The following ATXN1 variants were observed in gnomAD, a reference collection of about 807,000 sequenced individuals.
ATXN1 encodes the protein ataxin-1.
Under a neutral mutation model 56.4 loss-of-function variants are expected in ATXN1, and 8 were observed. The observed-to-expected ratio is 0.14, with a 90% confidence interval of 0.08 to 0.26. The LOEUF is 0.26. Among genes scored for constraint, ATXN1 ranks in the 10% least tolerant of loss-of-function variants. The pLI is 1.00. For synonymous variants in ATXN1, 514 were observed against 494.6 expected (o/e 1.04, Z -0.52); for missense variants, 987 against 1,106.5 (o/e 0.89, Z 1.53).
At chr6:16,678,134 G>A (rs2113394022) in intron 2 of ATXN1, among the ~76,000 whole-genome samples, 1 of 152,346 alleles carries the variant, frequency 6.6e-6, no homozygotes, top group Non-Finnish European at 1.5e-5. Context: ...TGGCAAAAAT[G>A]CACATTAACT....
At chr6:16,753,749 G>A (rs955683737) in intron 1 of ATXN1, among the ~76,000 whole-genome samples, 28 of 152,088 alleles carry the variant, frequency 1.8e-4, no homozygotes, top group Admixed American at 1.6e-3. Flanking sequence ...TTTTAATGTG[G>A]CATATATTAT....
chr6:16,553,319 C>T (rs923620736), intron 4 of ATXN1, among the ~76,000 whole-genome samples: 28 of 152,162 alleles, frequency 1.8e-4, no homozygotes, highest in African/African-American at 6.5e-4. Flanking sequence ...TCACCCCAAA[C>T]CTCTCTAAGG....
intron 6 of ATXN1, among the ~76,000 whole-genome samples, chr6:16,397,117 C>T (rs1162008235): frequency 1.3e-5 from 2 of 152,196 alleles, no homozygotes; most frequent in Non-Finnish European, 2.9e-5. Flanking sequence ...TACTGTGCAT[C>T]TCTTTACAAT....
At chr6:16,446,500 C>T (rs1336455197) in intron 6 of ATXN1, among the ~76,000 whole-genome samples, 1 of 152,188 alleles carries the variant, frequency 6.6e-6, no homozygotes, top group Non-Finnish European at 1.5e-5. Context: ...TTGAAAGCTG[C>T]CCAACCCCAG....
At position 16,301,029 on chromosome 6, in the gene ATXN1, T is replaced by G. The variant is rs1032973127; in HGVS notation, c.*5300A>C. On this transcript the variant is annotated 3_prime_UTR_variant, in exon 8 of 8. Transcript: ENST00000436367. The stretch of plus-strand genomic sequence containing the variant: ...GCCATAACCATACAAATCTGATCAT[T>G]TAGACATGACAAATTTCTATATACA... 5 of 152,026 alleles carry G rather than the reference T, an allele frequency of 3.3e-5. No homozygotes were observed. Among genetic ancestry groups the G allele is most frequent in the Non-Finnish European group, 7.4e-5 (5 of 67,980 alleles). The allele number at this position is 152,026 out of a possible 1,614,324, so 9.4% of individuals were successfully genotyped here.
chr6:16,579,394 G>C (rs1274096506), intron 4 of ATXN1, among the ~76,000 whole-genome samples: 1 of 150,366 alleles, frequency 6.7e-6, no homozygotes, highest in East Asian at 2.0e-4. Context: ...GTAATTTTTA[G>C]AGGTGGAAGA....
intron 2 of ATXN1, among the ~76,000 whole-genome samples, chr6:16,750,681 T>G (rs930005141): frequency 2.6e-5 from 4 of 152,336 alleles, no homozygotes; most frequent in Non-Finnish European, 5.9e-5. Flanking sequence ...TATAAAAACC[T>G]AGGTCTCTTC....
At chr6:16,618,198 G>A (rs1349838906) in intron 3 of ATXN1, among the ~76,000 whole-genome samples, 1 of 152,264 alleles carries the variant, frequency 6.6e-6, no homozygotes, top group East Asian at 1.9e-4. Context: ...TCACTCATAA[G>A]TGGGAGTTTA....
chr6:16,347,994 A>C (rs1443083205), intron 6 of ATXN1, among the ~76,000 whole-genome samples: 1 of 152,208 alleles, frequency 6.6e-6, no homozygotes, highest in Admixed American at 6.5e-5. Context: ...GAAGCCAGTG[A>C]GACCATGAAC....
chr6:16,617,512 G>A (rs1763235850), intron 3 of ATXN1, among the ~76,000 whole-genome samples: 1 of 151,746 alleles, frequency 6.6e-6, no homozygotes, highest in Admixed American at 6.6e-5. Context: ...CAAATATCAA[G>A]ATAACAGAAT....
Position 16,306,958 on chromosome 6 carries a change from C to T in ATXN1, c.1918-99G>A, listed in dbSNP as rs1432493499. The T allele has an allele frequency of 3.1e-6, 4 of 1,295,020 alleles. No homozygotes were observed. In the African/African-American group the frequency reaches 6.0e-5, roughly 19 times the overall value. The allele number at this position is 1,295,020 out of a possible 1,614,324, so 80.2% of individuals were successfully genotyped here. A position where few individuals can be genotyped will look rare whatever the true frequency, so the allele number is the denominator to read the frequency against. On this transcript the variant is annotated intron_variant, in intron 7 of 7. Transcript: ENST00000436367. The surrounding 1 kb of genome is among the most constrained non-coding windows in gnomAD (Gnocchi z 5.2). Reference sequence around the variant, plus strand: ...TTATGCACACACACAGGTATGAACTCACACAGACACACACAGGCTGAATGG... The same window carrying T: ...TTATGCACACACACAGGTATGAACTTACACAGACACACACAGGCTGAATGG...
intron 2 of ATXN1, among the ~76,000 whole-genome samples, chr6:16,671,217 A>G (rs908117836): frequency 1.3e-5 from 2 of 152,286 alleles, no homozygotes; most frequent in South Asian, 4.1e-4. Flanking sequence ...GTAGTTTGTA[A>G]TAAGAAGTAT....
chr6:16,577,523 C>CAA lies in ATXN1; in HGVS notation c.-361+8255_-361+8256dup, dbSNP rs61193572. 9.1e-3 allele frequency among the ~76,000 whole-genome samples: 701 copies of CAA among 76,892 alleles called. 9 individuals are homozygous for CAA. Among genetic ancestry groups the CAA allele is most frequent in the Middle Eastern group, 0.026 (3 of 116 alleles). The allele number at this position is 76,892 out of a possible 152,430, so 50.4% of individuals were successfully genotyped here. A position where few individuals can be genotyped will look rare whatever the true frequency, so the allele number is the denominator to read the frequency against. On this transcript the variant is annotated intron_variant, in intron 4 of 7. Coordinates refer to ENST00000436367, the MANE Select transcript of ATXN1 (RefSeq NM_001128164.2). ...TGGGCAACAGAGCAAGACTCTGTCT[C>CAA]AAAAAAAAAAAAAAAAAAGGAAAAA...
In ATXN1 at chr6:16,410,566, T is replaced by C. The variant is rs949212086; in HGVS notation, c.-161+75406A>G. ...ACCTGTTTGAGGATTCTTTCTAACA[T>C]ATCATTCCCTTCCCTACATAAAGAT... On this transcript the variant is annotated intron_variant, in intron 6 of 7. Coordinates refer to ENST00000436367, the MANE Select transcript of ATXN1 (RefSeq NM_001128164.2). This position sits in a 1 kb window ranked among gnomAD's most constrained non-coding sequence, Gnocchi z 4.6. Among the ~76,000 whole-genome samples the C allele has an allele frequency of 6.6e-6, 1 of 152,234 alleles. No individual in the cohort carries two copies. Among genetic ancestry groups the C allele is most frequent in the African/African-American group, 2.4e-5 (1 of 41,460 alleles).
At chr6:16,668,122 T>C (rs1250403602) in intron 2 of ATXN1, among the ~76,000 whole-genome samples, 2 of 152,246 alleles carry the variant, frequency 1.3e-5, no homozygotes, top group Non-Finnish European at 2.9e-5. Context: ...CAAAATATCA[T>C]GCTTGCTCTC....
At chr6:16,699,268 G>C (rs1759232856) in intron 2 of ATXN1, among the ~76,000 whole-genome samples, 1 of 152,194 alleles carries the variant, frequency 6.6e-6, no homozygotes. Flanking sequence ...ATCTGAACCT[G>C]TTAGAAATCT....
chr6:16,372,481 G>A (rs899633845), intron 6 of ATXN1, among the ~76,000 whole-genome samples: 1 of 152,146 alleles, frequency 6.6e-6, no homozygotes, highest in Admixed American at 6.5e-5. Flanking sequence ...CCCATGCTCA[G>A]CCCCAACCAT....
At chr6:16,568,755 T>C (rs896808264) in intron 4 of ATXN1, among the ~76,000 whole-genome samples, 4 of 152,208 alleles carry the variant, frequency 2.6e-5, no homozygotes, top group South Asian at 4.1e-4. Context: ...ACCAAAAAAA[T>C]TTAATATAGT....
intron 3 of ATXN1, among the ~76,000 whole-genome samples, chr6:16,603,722 G>A (rs1289580936): frequency 6.6e-6 from 1 of 152,198 alleles, no homozygotes; most frequent in East Asian, 1.9e-4. Flanking sequence ...CACCAGAACA[G>A]GCAGGAGGAA....
Sources: allele counts gnomAD v4.1 joint callset (sites outside exome capture counted in the v4.1 genomes callset), GRCh38; gene constraint gnomAD v4.1.1; non-coding constraint Gnocchi (gnomAD v3.1); transcripts MANE v1.5; gene names NCBI Gene and HGNC (gene_info 2026-07-23, HGNC 2026-07-21).